The following JOSD2 variants were observed in gnomAD, a reference collection of about 807,000 sequenced individuals.
JOSD2 encodes the protein josephin-2.
Under a neutral mutation model 19.3 loss-of-function variants are expected in JOSD2, and 20 were observed. The ratio of observed to expected loss-of-function variants is 1.04; its 90% CI spans 0.73 to 1.51. The LOEUF (loss-of-function observed/expected upper bound fraction) is 1.51. Among genes scored for constraint, JOSD2 ranks in the 40% most tolerant of loss-of-function variants. The pLI is 0.00. For missense variants in JOSD2, 215 were observed against 250.4 expected (o/e 0.86, Z 0.95); for synonymous variants, 118 against 123.7 (o/e 0.95, Z 0.31).
At chr19:50,507,481 A>T in intron 3 of JOSD2, 93 bp downstream of exon 3, 1 of 1,468,260 alleles carries the variant, frequency 6.8e-7, no homozygotes, top group Non-Finnish European at 9.0e-7. Context: ...AACCTCCCCC[A>T]GCCACATTCC....
rs1979358420 is a variant in JOSD2 at position 50,506,553 on chromosome 19, G to A, written c.292C>T (p.Leu98=). The A allele has an allele frequency of 2.6e-6, 4 of 1,542,492 alleles. No individual in the cohort carries two copies. The highest frequency in any genetic ancestry group is 2.6e-6 in the Non-Finnish European group (3 of 1,142,370). ...AGGATCAGCCCCAGTACCTGGGGCA[G>A]GGCCAGCTGGGACAGGGGCCTGTGT... The part of the protein sequence containing the change: ...DRRRPLSQLA[L]PQVLGLILNL... Residue 98 remains leucine, a synonymous_variant, in exon 4 of 5, where the codon CTG becomes TTG. Coordinates refer to ENST00000598418, the MANE Select transcript of JOSD2 (RefSeq NM_001270639.2).
rs371435438 is a variant in JOSD2, at chr19:50,506,406, C to G, written c.439G>C (p.Glu147Gln). Residue 147 changes from glutamate to glutamine, a missense_variant, in exon 4 of 5, where the codon GAG (glutamate) becomes CAG (glutamine). Coordinates refer to ENST00000598418, the MANE Select transcript of JOSD2 (RefSeq NM_001270639.2). ...ACTCCGTCCTCATCCCCCAGGGCCTCGGGCGCCCGCAGCTTGGAGTCCAGG... is the reference window on the plus strand; with the variant it reads ...ACTCCGTCCTCATCCCCCAGGGCCTGGGGCGCCCGCAGCTTGGAGTCCAGG... The part of the protein sequence containing the change: ...YNLDSKLRAP[E>Q]ALGDEDGVRA... 5 of 1,605,396 alleles carry G rather than the reference C, an allele frequency of 3.1e-6. No homozygotes were observed. The South Asian group carries it at 5.6e-5, about 18-fold the overall frequency.
chr19:50,506,151 G>T lies in JOSD2; in HGVS notation c.*22C>A. On this transcript the variant is annotated 3_prime_UTR_variant, in exon 5 of 5. Transcript: ENST00000598418. ...GGGGGATGCGCAGGGACTGCGCTGT[G>T]GGCGCCGATGGTCAGCCATGGTCAG... 2.5e-6 allele frequency: 4 copies of T among 1,608,384 alleles called. No individual in the cohort carries two copies. Among genetic ancestry groups the T allele is most frequent in the Non-Finnish European group, 3.4e-6 (4 of 1,176,848 alleles).
chr19:50,507,911 A>C (rs1979482746), intron 2 of JOSD2: 1 of 619,652 alleles, frequency 1.6e-6, no homozygotes, highest in African/African-American at 1.9e-5. Context: ...CCTGTCCCCA[A>C]GTCCTGCCTC....
rs1427290100 is a variant in JOSD2 at position 50,511,168 on chromosome 19, G to A, written c.-69C>T. 1 of 447,076 alleles carries A rather than the reference G, an allele frequency of 2.2e-6. No homozygotes were observed. The highest frequency in any genetic ancestry group is 2.4e-5 in the Admixed American group (1 of 42,142). The allele number at this position is 447,076 out of a possible 1,614,324, so 27.7% of individuals were successfully genotyped here. A position where few individuals can be genotyped will look rare whatever the true frequency, so the allele number is the denominator to read the frequency against. On this transcript the variant is annotated 5_prime_UTR_variant, in exon 1 of 5. Transcript: ENST00000598418. ...CCAGGGGTTTCCGCATCCCCTTCCT[G>A]GGCGGCGGCTCTGGGCTCCGAGTGC...
chr19:50,506,270 G>T lies in JOSD2; in HGVS notation c.470C>A (p.Ala157Asp). Residue 157 changes from alanine to aspartate, a missense_variant and splice_region_variant, in exon 5 of 5, where the codon GCC becomes GAC. Transcript: ENST00000598418. Reference protein sequence around the residue: ...EALGDEDGVRAFLAAALAQGL... With the variant: ...EALGDEDGVRDFLAAALAQGL... ...CTGGGCCAGCGCAGCCGCCAGGAAGGCCCTGGGTGGGAGAAATGGGGAGAC... is the reference window on the plus strand; with the variant it reads ...CTGGGCCAGCGCAGCCGCCAGGAAGTCCCTGGGTGGGAGAAATGGGGAGAC... 6.2e-7 allele frequency: 1 copy of T among 1,612,546 alleles called. No individual in the cohort carries two copies. The highest frequency in any genetic ancestry group is 8.5e-7 in the Non-Finnish European group (1 of 1,179,742).
chr19:50,510,295 A>ATCTCATC lies in JOSD2; in HGVS notation c.130_136dup (p.Ile46ArgfsTer2). The ATCTCATC allele has an allele frequency of 6.2e-7, 1 of 1,613,388 alleles. No homozygotes were observed. The highest frequency in any genetic ancestry group is 8.5e-7 in the Non-Finnish European group (1 of 1,179,994). On this transcript the variant is annotated stop_gained and frameshift_variant, in exon 2 of 5. Coordinates refer to ENST00000598418, the MANE Select transcript of JOSD2 (RefSeq NM_001270639.2). LOFTEE classifies it high-confidence loss of function. The stretch of plus-strand genomic sequence containing the variant: ...GGTGGGTGACGGTCACCTCTTGCAG[A>ATCTCATC]TCTCATCGGCAGCCTCCTGGCTAAA...
At chr19:50,509,412 T>C (rs747983068) in intron 2 of JOSD2, among the ~76,000 whole-genome samples, 2 of 151,748 alleles carry the variant, frequency 1.3e-5, no homozygotes, top group African/African-American at 2.4e-5. Flanking sequence ...TGTTGGACAT[T>C]GTGAATAGTG....
intron 2 of JOSD2, among the ~76,000 whole-genome samples, chr19:50,508,794 A>G (rs1341169789): frequency 1.3e-5 from 2 of 151,510 alleles, no homozygotes; most frequent in Non-Finnish European, 2.9e-5. Flanking sequence ...CAGGGTCTCC[A>G]GCATGGCTTT....
chr19:50,509,103 A>T (rs1380784736), intron 2 of JOSD2, among the ~76,000 whole-genome samples: 3 of 115,144 alleles, frequency 2.6e-5, no homozygotes, highest in Admixed American at 9.1e-5. Context: ...TAAAGGAGTG[A>T]TTTTTTTTTT....
At chr19:50,510,672 A>G (rs1027152725) in intron 1 of JOSD2, among the ~76,000 whole-genome samples, 1 of 151,966 alleles carries the variant, frequency 6.6e-6, no homozygotes, top group Non-Finnish European at 1.5e-5. Context: ...CTCCCCTAGC[A>G]ACAGAAAACC....
Position 50,508,195 on chromosome 19 carries a change from C to T in JOSD2, c.147-496G>A, listed in dbSNP as rs929593073. ...TGCCTTGGACAAAGTCCCTGTCCCT[C>T]CGCCAGTCCCTTCCTCTGTCCTTCA... On this transcript the variant is annotated intron_variant, in intron 2 of 4. Coordinates refer to ENST00000598418, the MANE Select transcript of JOSD2 (RefSeq NM_001270639.2). Among the ~76,000 whole-genome samples the T allele has an allele frequency of 5.3e-4, 81 of 152,236 alleles. 1 individual carries two copies. Among genetic ancestry groups the T allele is most frequent in the Non-Finnish European group, 1.6e-4 (11 of 68,040 alleles).
At chr19:50,508,644 C>A (rs1979532277) in intron 2 of JOSD2, among the ~76,000 whole-genome samples, 1 of 151,660 alleles carries the variant, frequency 6.6e-6, no homozygotes, top group Non-Finnish European at 1.5e-5. Context: ...TGAACAGCTG[C>A]ACCTCTGTTC....
chr19:50,511,057 C>T (rs994095880), intron 1 of JOSD2, 60 bp downstream of exon 1: 1 of 450,928 alleles, frequency 2.2e-6, no homozygotes, highest in Non-Finnish European at 4.5e-6. Context: ...AGGAATGGAG[C>T]CCTTCGCCGA....
intron 1 of JOSD2, among the ~76,000 whole-genome samples, chr19:50,510,712 C>T (rs985123907): frequency 1.3e-5 from 2 of 152,080 alleles, no homozygotes; most frequent in African/African-American, 4.8e-5. Context: ...GTAAAAGGGT[C>T]CCTATCATGG....
chr19:50,510,302 C>A lies in JOSD2; in HGVS notation c.130G>T (p.Asp44Tyr). 1 of 1,613,410 alleles carries A rather than the reference C, an allele frequency of 6.2e-7. No homozygotes were observed. Among genetic ancestry groups the A allele is most frequent in the Non-Finnish European group, 8.5e-7 (1 of 1,180,012 alleles). ...GACGGTCACCTCTTGCAGATCTCATCGGCAGCCTCCTGGCTAAAGAGCTGC... is the reference window on the plus strand; with the variant it reads ...GACGGTCACCTCTTGCAGATCTCATAGGCAGCCTCCTGGCTAAAGAGCTGC... ...QQQLFSQEAA[D>Y]EICKRLAPDS... The change falls in exon 2 of 5, where the codon GAT (aspartate) becomes TAT (tyrosine). Residue 44 changes from aspartate to tyrosine, a missense_variant. Physicochemically the swap from Asp to Tyr is radical, Grantham distance 160 (BLOSUM62 -3). Coordinates refer to ENST00000598418, the MANE Select transcript of JOSD2 (RefSeq NM_001270639.2).
At chr19:50,508,936 G>A (rs1005225268) in intron 2 of JOSD2, among the ~76,000 whole-genome samples, 2 of 151,948 alleles carry the variant, frequency 1.3e-5, no homozygotes, top group African/African-American at 4.8e-5. Flanking sequence ...AGAGGCAGGG[G>A]AGGCAGGGCC....
intron 2 of JOSD2, 105 bp from the exon 3 acceptor site, chr19:50,507,804 C>T (rs1246367184): frequency 8.0e-6 from 11 of 1,383,116 alleles, no homozygotes; most frequent in Admixed American, 2.1e-5. Flanking sequence ...TGACTCTCCC[C>T]GCTTCAGACC....
intron 1 of JOSD2, among the ~76,000 whole-genome samples, chr19:50,510,844 A>C (rs1002821748): frequency 9.9e-5 from 15 of 151,516 alleles, no homozygotes; most frequent in Admixed American, 7.9e-4. Context: ...CCGAGCACCT[A>C]GCAATAGAGA....
Sources: allele counts gnomAD v4.1 joint callset (sites outside exome capture counted in the v4.1 genomes callset), GRCh38; gene constraint gnomAD v4.1.1; transcripts MANE v1.5; gene names NCBI Gene and HGNC (gene_info 2026-07-23, HGNC 2026-07-21).